ATP6V0C: variants seen among roughly 807,000 people sequenced by gnomAD.
ATP6V0C encodes ATPase H+ transporting V0 subunit c.
In ATP6V0C, 2 loss-of-function variants were observed where a neutral mutation model predicts 10.6. The ratio of observed to expected loss-of-function variants is 0.19; its 90% CI spans 0.08 to 0.59. The LOEUF is 0.59. ATP6V0C is among the 20% of genes least tolerant of loss of function. The pLI is 0.90. For missense variants in ATP6V0C, 89 were observed against 225.9 expected, an observed-to-expected ratio of 0.39 and a Z score of 3.88; for synonymous variants, 128 against 101.3, an observed-to-expected ratio of 1.26 and a Z score of -1.59.
intron 1 of ATP6V0C, chr16:2,516,913 G>GCCAT (rs2065879937): frequency 6.6e-6 from 1 of 152,632 alleles, no homozygotes; most frequent in South Asian, 2.1e-4. Context: ...GCTCCTGGTG[G>GCCAT]CCATCCCTTT....
In ATP6V0C at chr16:2,520,190, G is replaced by A. The variant is rs956654187; in HGVS notation, c.*445G>A. Reference sequence around the variant, plus strand: ...CGCCGGGCCCGTGGCCCTGCGCGGAGCTGTGTCCAATAAAGTTCTTGGATG... The same window carrying A: ...CGCCGGGCCCGTGGCCCTGCGCGGAACTGTGTCCAATAAAGTTCTTGGATG... On this transcript the variant is annotated 3_prime_UTR_variant, in exon 3 of 3. Transcript: ENST00000330398. The A allele has an allele frequency of 3.9e-6, 2 of 509,204 alleles. No homozygotes were observed. Among genetic ancestry groups the A allele is most frequent in the South Asian group, 2.0e-5 (1 of 49,996 alleles). 31.5% of individuals were successfully genotyped at this position (509,204 alleles called of 1,614,324 possible).
At position 2,519,883 on chromosome 16, in the gene ATP6V0C, C is replaced by T. The variant is rs2141893677; in HGVS notation, c.*138C>T. On this transcript the variant is annotated 3_prime_UTR_variant, in exon 3 of 3. Transcript: ENST00000330398. ...TGTACATGCGCAGTGTCCTAGTGCC[C>T]ATCGTCTGTTTCCCCGGCCTTGCCC... 2 of 1,211,444 alleles carry T rather than the reference C, an allele frequency of 1.7e-6. No homozygotes were observed. Among genetic ancestry groups the T allele is most frequent in the South Asian group, 2.5e-5 (2 of 79,190 alleles). The allele number at this position is 1,211,444 out of a possible 1,614,324, so 75.0% of individuals were successfully genotyped here.
chr16:2,518,376 C>CA (rs2065887307), intron 1 of ATP6V0C, among the ~76,000 whole-genome samples: 1 of 152,230 alleles, frequency 6.6e-6, no homozygotes, highest in Non-Finnish European at 1.5e-5. Flanking sequence ...AGCCCACCAG[C>CA]ACTGTTGCGG....
At chr16:2,519,189 T>C in intron 1 of ATP6V0C, 29 bp from the exon 2 acceptor site, 1 of 1,591,992 alleles carries the variant, frequency 6.3e-7, no homozygotes, top group Non-Finnish European at 8.6e-7. Context: ...TGCGTACTGC[T>C]GTGGGCTCAC....
In ATP6V0C at chr16:2,515,707, C is replaced by T. The variant is rs1453175613; in HGVS notation, c.79+1525C>T. ...CCTTCAGAGATTCCATTTTGCCTGG[C>T]CACCTGTGGGGTATTAGCTTGTGGC... On this transcript the variant is annotated intron_variant, in intron 1 of 2. Transcript: ENST00000330398. Among the ~76,000 whole-genome samples the T allele has an allele frequency of 4.6e-5, 7 of 151,992 alleles. No individual in the cohort carries two copies. In the East Asian group the frequency reaches 7.7e-4, roughly 17 times the overall value.
In ATP6V0C at chr16:2,519,574, G is replaced by A; in HGVS notation, c.297G>A (p.Val99=). 6.4e-7 allele frequency: 1 copy of A among 1,574,362 alleles called. No individual in the cohort carries two copies. The highest frequency in any genetic ancestry group is 8.7e-7 in the Non-Finnish European group (1 of 1,155,814). Residue 99 remains valine (V), a synonymous_variant, in exon 3 of 3, where the codon GTG becomes GTA. Coordinates refer to ENST00000330398, the MANE Select transcript of ATP6V0C (RefSeq NM_001694.4). ...SFLQLGAGLS[V]GLSGLAAGFA... ...TCCAGCTGGGCGCCGGCCTGAGCGT[G>A]GGCCTGAGCGGCCTGGCAGCCGGCT...
chr16:2,513,937 C>T (rs919539960), upstream of ATP6V0C: 1 of 586,786 alleles, frequency 1.7e-6, no homozygotes, highest in Admixed American at 3.6e-5. Context: ...GTGACGCGGC[C>T]GCGGCCGCCA....
At chr16:2,518,522 C>T (rs2065888636) in intron 1 of ATP6V0C, among the ~76,000 whole-genome samples, 1 of 152,236 alleles carries the variant, frequency 6.6e-6, no homozygotes, top group African/African-American at 2.4e-5. Flanking sequence ...CTGCCCCCAT[C>T]CTCTTCTTGG....
chr16:2,519,380 A>G lies in ATP6V0C; in HGVS notation c.242A>G (p.Asn81Ser). ...GCAGTCCTCATCGCCAACTCCCTGA[A>G]TGACGACATCAGCCTCTACAAGTGA... ...VVAVLIANSLNDDISLYKSFL... is the reference protein window; with the variant it reads ...VVAVLIANSLSDDISLYKSFL... The change falls in exon 2 of 3, where the codon AAT becomes AGT. Residue 81 changes from asparagine (N) to serine (S), a missense_variant. Physicochemically the swap from Asn to Ser is conservative, Grantham distance 46. Coordinates refer to ENST00000330398, the MANE Select transcript of ATP6V0C (RefSeq NM_001694.4). The G allele has an allele frequency of 6.2e-7, 1 of 1,613,782 alleles. No homozygotes were observed. The highest frequency in any genetic ancestry group is 8.5e-7 in the Non-Finnish European group (1 of 1,179,750).
rs753352515 is a variant in ATP6V0C at position 2,519,503 on chromosome 16, G to A, written c.264-38G>A. The A allele has an allele frequency of 4.0e-5, 61 of 1,541,650 alleles. No individual in the cohort carries two copies. The South Asian group carries it at 7.1e-4, about 18-fold the overall frequency. ...CCGGACCCTTGTCTCCCCCTGGTTGGCAGGCTGCTGATGTCAGTCCTCTCT... is the reference window on the plus strand; with the variant it reads ...CCGGACCCTTGTCTCCCCCTGGTTGACAGGCTGCTGATGTCAGTCCTCTCT... On this transcript the variant is annotated intron_variant, in intron 2 of 2. Transcript: ENST00000330398.
Position 2,515,012 on chromosome 16 carries a change from G to T in ATP6V0C, c.79+830G>T, listed in dbSNP as rs371252562. ...GCCCTCAGGACTGAGGCTTCCAGTT[G>T]TGGTCCTAATGAATGGAGGGGTGAA... On this transcript the variant is annotated intron_variant, in intron 1 of 2. Coordinates refer to ENST00000330398, the MANE Select transcript of ATP6V0C (RefSeq NM_001694.4). 2.7e-3 allele frequency among the ~76,000 whole-genome samples: 413 copies of T among 152,268 alleles called. 3 individuals carry two copies. The highest frequency in any genetic ancestry group is 8.6e-3 in the African/African-American group (358 of 41,550).
At chr16:2,513,866 G>C (rs1337215666), upstream of ATP6V0C, 4 of 358,160 alleles carry the variant, frequency 1.1e-5, no homozygotes, top group Non-Finnish European at 1.5e-5. Context: ...CGGGCGTCCC[G>C]GGGACGCGTC....
At chr16:2,515,934 A>G (rs2065875050) in intron 1 of ATP6V0C, among the ~76,000 whole-genome samples, 1 of 151,930 alleles carries the variant, frequency 6.6e-6, no homozygotes, top group South Asian at 2.1e-4. Flanking sequence ...CAAGACCTAC[A>G]CAGGTCTTTG....
rs1021924074 is a variant in ATP6V0C, at chr16:2,519,937, G to A, written c.*192G>A. The A allele has an allele frequency of 2.0e-5, 17 of 832,978 alleles. No individual in the cohort carries two copies. Among genetic ancestry groups the A allele is most frequent in the Non-Finnish European group, 3.2e-5 (16 of 507,506 alleles). The allele number at this position is 832,978 out of a possible 1,614,324, so 51.6% of individuals were successfully genotyped here. On this transcript the variant is annotated 3_prime_UTR_variant, in exon 3 of 3. Transcript: ENST00000330398. Reference sequence around the variant, plus strand: ...CCCGCCCCGTGCCGTGGACATCTGGGCCCACTCATCGCCCCTCCAGGCCCC... The same window carrying A: ...CCCGCCCCGTGCCGTGGACATCTGGACCCACTCATCGCCCCTCCAGGCCCC...
At position 2,519,972 on chromosome 16, in the gene ATP6V0C, ACCCC is replaced by A. The variant is rs1202244720; in HGVS notation, c.*229_*232del. 2.3e-6 allele frequency: 1 copy of A among 435,342 alleles called. No individual in the cohort carries two copies. Among genetic ancestry groups the A allele is most frequent in the Non-Finnish European group, 3.9e-6 (1 of 253,836 alleles). 27.0% of individuals were successfully genotyped at this position (435,342 alleles called of 1,614,324 possible). A position where few individuals can be genotyped will look rare whatever the true frequency, so the allele number is the denominator to read the frequency against. On this transcript the variant is annotated 3_prime_UTR_variant, in exon 3 of 3. Transcript: ENST00000330398. ...CGCCCCTCCAGGCCCCCGGCGCCCC[ACCCC>A]CTAGAGTGCTCTGTGTATGCGGATG... is the stretch of plus-strand genomic sequence containing the variant.
At chr16:2,514,282 C>T in intron 1 of ATP6V0C, 100 bp downstream of exon 1, 1 of 1,295,760 alleles carries the variant, frequency 7.7e-7, no homozygotes, top group Non-Finnish European at 1.0e-6. Flanking sequence ...CTGACGTAAT[C>T]CCGAGCTGTC....
At chr16:2,518,944 C>T (rs1332062707) in intron 1 of ATP6V0C, 4 of 444,492 alleles carry the variant, frequency 9.0e-6, no homozygotes, top group African/African-American at 6.1e-5. Context: ...AGATGGGTCA[C>T]GCCGCCCCAA....
At chr16:2,519,023 G>C in intron 1 of ATP6V0C, 195 bp from the exon 2 acceptor site, 1 of 580,468 alleles carries the variant, frequency 1.7e-6, no homozygotes, top group South Asian at 2.3e-5. Flanking sequence ...AGGAGTGGCT[G>C]TCCTGGCCTC....
At chr16:2,514,206 T>TCGGGGG (rs2065865153) in intron 1 of ATP6V0C, 24 bp downstream of exon 1, 3 of 1,530,224 alleles carry the variant, frequency 2.0e-6, no homozygotes, top group Non-Finnish European at 1.8e-6. Flanking sequence ...CGGGAGGGAC[T>TCGGGGG]CGGGGGCGGG....
Sources: gnomAD v4.1 joint callset for allele counts (sites outside exome capture counted in the v4.1 genomes callset) on GRCh38, gnomAD v4.1.1 for gene constraint, MANE v1.5 for transcripts, NCBI Gene and HGNC (gene_info 2026-07-23, HGNC 2026-07-21) for gene names.